Variants in SDCCAG8 observed in about 807,000 individuals in gnomAD.
SDCCAG8 encodes the protein serologically defined colon cancer antigen 8.
In SDCCAG8, 74 loss-of-function variants were observed where a neutral mutation model predicts 101.8. That is an observed-to-expected ratio of 0.73 (90% confidence interval 0.60 to 0.88). The LOEUF is 0.88. Among genes scored for constraint, SDCCAG8 ranks in the 40% least tolerant of loss-of-function variants. The pLI, the probability that SDCCAG8 is intolerant of heterozygous loss-of-function variation, is 0.00. For synonymous variants in SDCCAG8, 281 were observed against 292.9 expected (o/e 0.96, Z 0.41); for missense variants, 787 against 822.6 (o/e 0.96, Z 0.53).
intron 4 of SDCCAG8, among the ~76,000 whole-genome samples, chr1:243,275,830 A>ATGGGAGAG (rs2068502031): frequency 7.5e-6 from 1 of 133,744 alleles, no homozygotes; most frequent in African/African-American, 2.8e-5. Context: ...GAATGTTTCT[A>ATGGGAGAG]TGGGAGAGAG....
At chr1:243,343,325 A>G (rs1283767863) in intron 11 of SDCCAG8, among the ~76,000 whole-genome samples, 2 of 152,228 alleles carry the variant, frequency 1.3e-5, no homozygotes, top group Non-Finnish European at 2.9e-5. Context: ...TTGTACATTA[A>G]TTGAACTTTC....
intron 16 of SDCCAG8, among the ~76,000 whole-genome samples, chr1:243,446,426 C>T (rs2997487): frequency 0.044 from 6,763 of 152,048 alleles, 541 homozygotes; most frequent in African/African-American, 0.15. Flanking sequence ...ACCACCATGC[C>T]GGCTAATTTT....
intron 16 of SDCCAG8, among the ~76,000 whole-genome samples, chr1:243,471,215 C>A (rs1661198729): frequency 6.6e-6 from 1 of 152,036 alleles, no homozygotes; most frequent in African/African-American, 2.4e-5. Flanking sequence ...TTGGTACAGG[C>A]AGTTGTTTGA....
intron 12 of SDCCAG8, among the ~76,000 whole-genome samples, chr1:243,349,152 A>G (rs73118356): frequency 0.029 from 4,459 of 152,260 alleles, 208 homozygotes; most frequent in African/African-American, 0.1. Flanking sequence ...AAACTGCCAT[A>G]ACCAGGGGGA....
intron 15 of SDCCAG8, among the ~76,000 whole-genome samples, chr1:243,420,749 G>A (rs1303238873): frequency 6.6e-6 from 1 of 152,134 alleles, no homozygotes; most frequent in Admixed American, 6.5e-5. Context: ...TTTTAGGGTT[G>A]TTTGTTCTTA....
At chr1:243,335,369 A>G (rs1261680939) in intron 10 of SDCCAG8, among the ~76,000 whole-genome samples, 1 of 152,240 alleles carries the variant, frequency 6.6e-6, no homozygotes, top group African/African-American at 2.4e-5. Flanking sequence ...TGGTATCAAT[A>G]GCAAACACCA....
rs961808774 is a variant in SDCCAG8 at position 243,458,208 on chromosome 1, T to A, written c.1986-30806T>A. Among the ~76,000 whole-genome samples the A allele has an allele frequency of 3.9e-5, 6 of 152,174 alleles. No homozygotes were observed. Among genetic ancestry groups the A allele is most frequent in the Non-Finnish European group, 5.9e-5 (4 of 68,036 alleles). On this transcript the variant is annotated intron_variant, in intron 16 of 17. Transcript: ENST00000366541. This position sits in a 1 kb window ranked among gnomAD's most constrained non-coding sequence, Gnocchi z 4.5. ...TTTGCTGTAAGAAGCTCAACCATCC[T>A]TTAGCCTCCCTGGCCAGGGACCCTG...
chr1:243,422,896 T>A (rs900657989), intron 15 of SDCCAG8, among the ~76,000 whole-genome samples: 11 of 152,192 alleles, frequency 7.2e-5, no homozygotes, highest in African/African-American at 2.7e-4. Context: ...AGCCAGAAAT[T>A]GCCTGAATTT....
rs543208619 is a variant in SDCCAG8, at chr1:243,271,529, A to G, written c.306+466A>G. Reference sequence around the variant, plus strand: ...TAAATTTTGAGTGTCAAAATAATACATTTTATTTTTAATTAATTAATTAAT... The same window carrying G: ...TAAATTTTGAGTGTCAAAATAATACGTTTTATTTTTAATTAATTAATTAAT... On this transcript the variant is annotated intron_variant, in intron 3 of 17. Transcript: ENST00000366541. Among the ~76,000 whole-genome samples the G allele has an allele frequency of 1.6e-4, 24 of 151,940 alleles. No individual in the cohort carries two copies. In the South Asian group the frequency reaches 5.0e-3, roughly 31 times the overall value.
rs914671132 is a variant in SDCCAG8 at position 243,304,365 on chromosome 1, A to G, written c.676-348A>G. On this transcript the variant is annotated intron_variant, in intron 6 of 17. Coordinates refer to ENST00000366541, the MANE Select transcript of SDCCAG8 (RefSeq NM_006642.5). ...CTAGCACATATTTATTATATGTCAA[A>G]TATTCAACAGCCACAATGAAGGATT... 3.3e-5 allele frequency among the ~76,000 whole-genome samples: 5 copies of G among 152,238 alleles called. No homozygotes were observed. The South Asian group carries it at 6.2e-4, about 19-fold the overall frequency.
rs376614995 is a variant in SDCCAG8, at chr1:243,352,904, T to A, written c.1473+8573T>A. ...TCCTTATTCTTCATAGTGATCACTT[T>A]ACTGTGGCCATTTACATATACCTGT... On this transcript the variant is annotated intron_variant, in intron 12 of 17. Transcript: ENST00000366541. 3.9e-5 allele frequency among the ~76,000 whole-genome samples: 6 copies of A among 152,330 alleles called. No individual in the cohort carries two copies. In the East Asian group the frequency reaches 7.7e-4, roughly 20 times the overall value.
intron 16 of SDCCAG8, among the ~76,000 whole-genome samples, chr1:243,466,553 C>T (rs1660186058): frequency 6.6e-6 from 1 of 152,244 alleles, no homozygotes. Context: ...AGTCGTGCTA[C>T]CTGTGTCACA....
At chr1:243,479,048 G>A (rs1407472077) in intron 16 of SDCCAG8, among the ~76,000 whole-genome samples, 1 of 151,648 alleles carries the variant, frequency 6.6e-6, no homozygotes, top group African/African-American at 2.4e-5. Context: ...CACACTGCTT[G>A]TTCTCACTGA....
intron 6 of SDCCAG8, among the ~76,000 whole-genome samples, chr1:243,301,414 A>G (rs1265083875): frequency 1.3e-5 from 2 of 152,188 alleles, no homozygotes; most frequent in African/African-American, 4.8e-5. Flanking sequence ...GAATAACACC[A>G]TGAGGCCCAT....
intron 9 of SDCCAG8, among the ~76,000 whole-genome samples, chr1:243,317,692 C>T (rs2073380270): frequency 6.6e-6 from 1 of 152,162 alleles, no homozygotes; most frequent in African/African-American, 2.4e-5. Flanking sequence ...ACAGTTTATA[C>T]TTAGTGATCG....
intron 16 of SDCCAG8, among the ~76,000 whole-genome samples, chr1:243,483,664 G>T (rs1265095618): frequency 6.6e-6 from 1 of 151,184 alleles, no homozygotes; most frequent in Non-Finnish European, 1.5e-5. Context: ...AGGAGGCTCC[G>T]CAGGGCGCTC....
At chr1:243,364,956 C>G (rs1373440316) in intron 12 of SDCCAG8, among the ~76,000 whole-genome samples, 1 of 152,112 alleles carries the variant, frequency 6.6e-6, no homozygotes, top group Non-Finnish European at 1.5e-5. Flanking sequence ...CGAAAAAGTT[C>G]TTGCTGATTA....
chr1:243,482,846 G>T lies in SDCCAG8; in HGVS notation c.1986-6168G>T, dbSNP rs183842373. On this transcript the variant is annotated intron_variant, in intron 16 of 17. Coordinates refer to ENST00000366541, the MANE Select transcript of SDCCAG8 (RefSeq NM_006642.5). ...TGCCTGTTGCAAAGATGAGATAAAG[G>T]CGCGGGAAAGAAGGGTCTGAATTAG... Among the ~76,000 whole-genome samples, 337 of 152,298 alleles carry T rather than the reference G, an allele frequency of 2.2e-3. 5 individuals are homozygous for T. The highest frequency in any genetic ancestry group is 7.8e-3 in the African/African-American group (323 of 41,554).
At chr1:243,387,826 G>C (rs758390774) in intron 13 of SDCCAG8, among the ~76,000 whole-genome samples, 15 of 152,130 alleles carry the variant, frequency 9.9e-5, no homozygotes, top group Non-Finnish European at 1.8e-4. Flanking sequence ...AGCAATTCTC[G>C]TGTCTCACCC....
Sources: gnomAD v4.1 joint callset for allele counts (sites outside exome capture counted in the v4.1 genomes callset) on GRCh38, gnomAD v4.1.1 for gene constraint, Gnocchi (gnomAD v3.1) non-coding constraint, MANE v1.5 for transcripts, NCBI Gene and HGNC (gene_info 2026-07-23, HGNC 2026-07-21) for gene names.